The following USH2A variants were observed in gnomAD, a reference collection of about 807,000 sequenced individuals.
USH2A encodes usherin.
Under a neutral mutation model 538.9 loss-of-function variants are expected in USH2A, and 443 were observed. The observed-to-expected ratio is 0.82, with a 90% CI of 0.76 to 0.89. USH2A has a LOEUF of 0.89. USH2A is among the 40% of genes least tolerant of loss of function. The pLI is 0.00. For missense variants in USH2A, 6,633 were observed against 6,324.8 expected (o/e 1.05, Z -1.65); for synonymous variants, 2,413 against 2,273.5 (o/e 1.06, Z -1.75).
intron 4 of USH2A, among the ~76,000 whole-genome samples, chr1:216,359,484 G>T (rs892621826): frequency 6.6e-5 from 10 of 151,902 alleles, no homozygotes; most frequent in Admixed American, 1.3e-4. Flanking sequence ...AGCACACCTG[G>T]GTTATATTTA....
chr1:215,665,387 T>C (rs943969058), intron 64 of USH2A, among the ~76,000 whole-genome samples: 2 of 152,138 alleles, frequency 1.3e-5, no homozygotes, highest in African/African-American at 4.8e-5. Context: ...TGAGTGTGCG[T>C]GGGTGCTTAC....
rs1213987514 is a variant in USH2A, at chr1:215,996,582, T to G, written c.6657+2305A>C. On this transcript the variant is annotated intron_variant, in intron 34 of 71. Coordinates refer to ENST00000307340, the MANE Select transcript of USH2A (RefSeq NM_206933.4). ...TATGTTTTTTTTTTTTTTTTTTTTT[T>G]TTTTTTTTTTTTTGCAGTGGAAAGA... Among the ~76,000 whole-genome samples, 13 of 138,406 alleles carry G rather than the reference T, an allele frequency of 9.4e-5. 1 individual carries two copies. The highest frequency in any genetic ancestry group is 3.2e-4 in the African/African-American group (12 of 37,086). The allele number at this position is 138,406 out of a possible 152,430, so 90.8% of individuals were successfully genotyped here.
intron 3 of USH2A, among the ~76,000 whole-genome samples, chr1:216,379,475 A>C (rs896851374): frequency 6.6e-6 from 1 of 152,102 alleles, no homozygotes; most frequent in African/African-American, 2.4e-5. Flanking sequence ...GCAGAAAACC[A>C]GTTAACAAAT....
chr1:215,845,019 GTAA>G lies in USH2A; in HGVS notation c.9056-526_9056-524del, dbSNP rs139967506. On this transcript the variant is annotated intron_variant, in intron 45 of 71. Transcript: ENST00000307340. ...TGATTTTGAATGTTGATTACCATAG[GTAA>G]TGATGAAATCTAACATAAGAAAAAA... 2.0e-3 allele frequency among the ~76,000 whole-genome samples: 303 copies of G among 152,196 alleles called. 3 individuals are homozygous for G. The highest frequency in any genetic ancestry group is 6.8e-3 in the African/African-American group (281 of 41,518).
intron 49 of USH2A, among the ~76,000 whole-genome samples, chr1:215,811,388 A>G (rs1662671551): frequency 1.3e-5 from 2 of 151,918 alleles, no homozygotes; most frequent in South Asian, 4.1e-4. Context: ...TGTTCAACGT[A>G]TTTTTCACAC....
intron 35 of USH2A, among the ~76,000 whole-genome samples, chr1:215,972,727 T>C (rs1261524239): frequency 6.6e-6 from 1 of 152,176 alleles, no homozygotes; most frequent in African/African-American, 2.4e-5. Context: ...CCATTTCCCT[T>C]ATTTCCAAAT....
intron 60 of USH2A, among the ~76,000 whole-genome samples, chr1:215,736,749 A>G (rs969099557): frequency 6.6e-6 from 1 of 152,018 alleles, no homozygotes; most frequent in Non-Finnish European, 1.5e-5. Flanking sequence ...TAAATGAACA[A>G]TCTTACTTAT....
intron 16 of USH2A, among the ~76,000 whole-genome samples, chr1:216,206,643 T>G (rs1337612373): frequency 6.6e-6 from 1 of 152,186 alleles, no homozygotes; most frequent in Non-Finnish European, 1.5e-5. Flanking sequence ...TTAAACAATA[T>G]GTCATGAACA....
chr1:215,912,956 T>A (rs1558158426), intron 38 of USH2A, among the ~76,000 whole-genome samples: 3 of 152,138 alleles, frequency 2.0e-5, no homozygotes, highest in Admixed American at 6.6e-5. Flanking sequence ...AGTATTGCAT[T>A]CCTCCTACAG....
At chr1:216,268,840 G>C (rs965782200) in intron 11 of USH2A, among the ~76,000 whole-genome samples, 1 of 152,022 alleles carries the variant, frequency 6.6e-6, no homozygotes, top group Non-Finnish European at 1.5e-5. Context: ...TCAATTAAAA[G>C]TCTCTTGGCT....
At chr1:216,314,006 A>G (rs1181233616) in intron 9 of USH2A, among the ~76,000 whole-genome samples, 1 of 152,008 alleles carries the variant, frequency 6.6e-6, no homozygotes, top group Non-Finnish European at 1.5e-5. Flanking sequence ...GTCTTTGGTG[A>G]TTATTGGATT....
At chr1:216,048,435 TG>T (rs1223121401) in intron 31 of USH2A, 98 bp downstream of exon 31, 10 of 1,210,720 alleles carry the variant, frequency 8.3e-6, no homozygotes, top group Non-Finnish European at 1.2e-5. Context: ...CAAATTAGGT[TG>T]GGGTTTGCCA....
At chr1:216,191,215 G>A (rs1488471080) in intron 19 of USH2A, among the ~76,000 whole-genome samples, 2 of 151,928 alleles carry the variant, frequency 1.3e-5, no homozygotes, top group African/African-American at 4.8e-5. Flanking sequence ...GTAACTATGA[G>A]TACAAAACTA....
intron 20 of USH2A, among the ~76,000 whole-genome samples, chr1:216,178,280 CTG>C (rs1344501033): frequency 6.6e-6 from 1 of 152,136 alleles, no homozygotes; most frequent in Admixed American, 6.5e-5. Context: ...ATGTATGAAT[CTG>C]TGAATTATAT....
chr1:215,713,297 G>T (rs200354940), intron 61 of USH2A, among the ~76,000 whole-genome samples: 10 of 152,214 alleles, frequency 6.6e-5, no homozygotes, highest in African/African-American at 2.4e-4. Context: ...GCCTCTCTGC[G>T]GGAGGCACTA....
chr1:216,374,338 A>G (rs1331118659), intron 3 of USH2A, among the ~76,000 whole-genome samples: 1 of 151,628 alleles, frequency 6.6e-6, no homozygotes, highest in Admixed American at 6.6e-5. Flanking sequence ...TGATCTTAAT[A>G]CTGTTAAAGA....
chr1:215,650,522 A>T (rs1657022730), intron 65 of USH2A, 70 bp downstream of exon 65: 2 of 1,585,828 alleles, frequency 1.3e-6, no homozygotes, highest in East Asian at 4.5e-5. Flanking sequence ...ACAAAAACAT[A>T]AAAACAAAGG....
intron 32 of USH2A, among the ~76,000 whole-genome samples, chr1:216,006,047 G>A (rs907095067): frequency 4.6e-5 from 7 of 152,026 alleles, no homozygotes; most frequent in African/African-American, 1.2e-4. Context: ...TTCAGCATTG[G>A]CTCAGTTTTC....
chr1:215,925,469 T>C (rs1431787647), intron 38 of USH2A, among the ~76,000 whole-genome samples: 1 of 152,206 alleles, frequency 6.6e-6, no homozygotes, highest in Non-Finnish European at 1.5e-5. Flanking sequence ...GAAAGATTCA[T>C]ATGAACTGGA....
Sources: allele counts gnomAD v4.1 joint callset (sites outside exome capture counted in the v4.1 genomes callset), GRCh38; gene constraint gnomAD v4.1.1; transcripts MANE v1.5; gene names NCBI Gene and HGNC (gene_info 2026-07-23, HGNC 2026-07-21).